ENPP6: variants seen among roughly 807,000 people sequenced by gnomAD.
ENPP6 encodes ectonucleotide pyrophosphatase/phosphodiesterase 6.
In ENPP6, 32 loss-of-function variants were observed where a neutral mutation model predicts 42.0. The observed-to-expected ratio is 0.76, with a 90% CI of 0.58 to 1.02. ENPP6 has a LOEUF of 1.02. ENPP6 is among the 50% of genes least tolerant of loss of function. ENPP6 has a pLI of 0.00. For synonymous variants in ENPP6, 213 were observed against 216.0 expected, an observed-to-expected ratio of 0.99 and a Z score of 0.12; for missense variants, 552 against 566.8, an observed-to-expected ratio of 0.97 and a Z score of 0.27.
At chr4:184,167,871 A>G (rs1452333811) in intron 1 of ENPP6, among the ~76,000 whole-genome samples, 1 of 152,178 alleles carries the variant, frequency 6.6e-6, no homozygotes, top group Non-Finnish European at 1.5e-5. Context: ...TCATTCAGTG[A>G]TTCACGTCTA....
intron 7 of ENPP6, 44 bp downstream of exon 7, chr4:184,097,201 C>T (rs989160385): frequency 6.2e-7 from 1 of 1,612,144 alleles, no homozygotes; most frequent in South Asian, 1.1e-5. Context: ...CAGACACTTC[C>T]TTGGGAATGG....
rs180909713 is a variant in ENPP6 at position 184,117,286 on chromosome 4, G to A, written c.676-251C>T. The stretch of plus-strand genomic sequence containing the variant: ...GCACTTTCAGCTTTTTAAGGTCGAC[G>A]CTCTGCATCTTCTCTGGCTCTTTCA... On this transcript the variant is annotated intron_variant, in intron 4 of 7. Transcript: ENST00000296741. Among the ~76,000 whole-genome samples, 55 of 152,324 alleles carry A rather than the reference G, an allele frequency of 3.6e-4. No homozygotes were observed. In the East Asian group the frequency reaches 5.2e-3, roughly 14 times the overall value.
intron 2 of ENPP6, among the ~76,000 whole-genome samples, chr4:184,140,600 T>C (rs1375947934): frequency 6.9e-5 from 9 of 131,348 alleles, no homozygotes; most frequent in Non-Finnish European, 9.7e-5. Flanking sequence ...TCTACAACTA[T>C]CTGATCTTTG....
At chr4:184,162,604 T>G (rs35363119) in intron 1 of ENPP6, among the ~76,000 whole-genome samples, 1 of 142,118 alleles carries the variant, frequency 7.0e-6, no homozygotes, top group African/African-American at 2.9e-5. Flanking sequence ...AGGGAGGGAA[T>G]GAATGACTGG....
intron 2 of ENPP6, among the ~76,000 whole-genome samples, chr4:184,150,748 T>A (rs1295907075): frequency 2.0e-5 from 3 of 152,252 alleles, no homozygotes; most frequent in African/African-American, 7.2e-5. Flanking sequence ...GAGACTTTAT[T>A]CTATATCTAT....
At chr4:184,186,809 G>T (rs541670311) in intron 1 of ENPP6, among the ~76,000 whole-genome samples, 1 of 152,100 alleles carries the variant, frequency 6.6e-6, no homozygotes, top group Non-Finnish European at 1.5e-5. Flanking sequence ...CTCTGCTTCC[G>T]CCCTCAGCCT....
chr4:184,129,279 AC>A (rs5864873), intron 2 of ENPP6, among the ~76,000 whole-genome samples: 2 of 149,622 alleles, frequency 1.3e-5, no homozygotes, highest in African/African-American at 2.5e-5. Flanking sequence ...GTACACAAAC[AC>A]CCCCCCAACA....
chr4:184,140,420 C>T (rs1173088667), intron 2 of ENPP6, among the ~76,000 whole-genome samples: 14 of 151,954 alleles, frequency 9.2e-5, no homozygotes, highest in Admixed American at 6.6e-5. Context: ...AAAAAAGAGC[C>T]CACATTGCCA....
At chr4:184,155,350 C>T (rs1737139933) in intron 1 of ENPP6, among the ~76,000 whole-genome samples, 1 of 152,154 alleles carries the variant, frequency 6.6e-6, no homozygotes, top group African/African-American at 2.4e-5. Context: ...CTTACTCATC[C>T]TTTCACAAGG....
chr4:184,205,355 G>A (rs1732977612), intron 1 of ENPP6, among the ~76,000 whole-genome samples: 1 of 152,234 alleles, frequency 6.6e-6, no homozygotes, highest in African/African-American at 2.4e-5. Flanking sequence ...CATCCGCCAC[G>A]GTGACCTTGT....
chr4:184,091,921 T>G (rs1466370186), intron 7 of ENPP6, among the ~76,000 whole-genome samples: 1 of 152,090 alleles, frequency 6.6e-6, no homozygotes, highest in Non-Finnish European at 1.5e-5. Flanking sequence ...GCAAACAGAC[T>G]TTCTTTGTGC....
At chr4:184,150,965 G>A (rs556776239) in intron 2 of ENPP6, among the ~76,000 whole-genome samples, 1 of 152,300 alleles carries the variant, frequency 6.6e-6, no homozygotes, top group East Asian at 1.9e-4. Context: ...TGTTTTGGAG[G>A]AGCAACAAGA....
intron 1 of ENPP6, among the ~76,000 whole-genome samples, chr4:184,153,966 C>T (rs889344503): frequency 3.3e-5 from 5 of 151,932 alleles, no homozygotes; most frequent in East Asian, 3.9e-4. Context: ...TTTAGAGTGA[C>T]GTCACCCTGT....
At chr4:184,169,854 C>T (rs922035589) in intron 1 of ENPP6, among the ~76,000 whole-genome samples, 1 of 152,214 alleles carries the variant, frequency 6.6e-6, no homozygotes, top group Non-Finnish European at 1.5e-5. Flanking sequence ...TGAAAATATT[C>T]GAATGCACAA....
rs912740222 is a variant in ENPP6 at position 184,184,903 on chromosome 4, G to A, written c.242-31170C>T. Among the ~76,000 whole-genome samples, 2 of 152,118 alleles carry A rather than the reference G, an allele frequency of 1.3e-5. No homozygotes were observed. Among genetic ancestry groups the A allele is most frequent in the African/African-American group, 4.8e-5 (2 of 41,402 alleles). ...CTGAGCCACCCAGCGTGTGGAGTGT[G>A]TGACAGCAGCCCTAGGGAGCTGACA... On this transcript the variant is annotated intron_variant, in intron 1 of 7. Coordinates refer to ENST00000296741, the MANE Select transcript of ENPP6 (RefSeq NM_153343.4). The surrounding 1 kb of genome is among the most constrained non-coding windows in gnomAD (Gnocchi z 4.7).
chr4:184,139,510 C>A, intron 2 of ENPP6, among the ~76,000 whole-genome samples: 1 of 123,400 alleles, frequency 8.1e-6, no homozygotes, highest in Non-Finnish European at 1.7e-5. Context: ...TCCCCCCTCC[C>A]CCCACCCCAC....
At chr4:184,143,748 C>T (rs911024707) in intron 2 of ENPP6, among the ~76,000 whole-genome samples, 2 of 152,216 alleles carry the variant, frequency 1.3e-5, no homozygotes, top group Non-Finnish European at 2.9e-5. Flanking sequence ...CAGAGAGAGG[C>T]TAAGGGATTT....
chr4:184,171,666 C>T (rs985762794), intron 1 of ENPP6, among the ~76,000 whole-genome samples: 5 of 152,198 alleles, frequency 3.3e-5, no homozygotes, highest in African/African-American at 1.2e-4. Context: ...AGAAACTATT[C>T]CAAGACCATG....
intron 1 of ENPP6, among the ~76,000 whole-genome samples, chr4:184,215,066 G>A (rs1043223006): frequency 1.3e-5 from 2 of 152,248 alleles, no homozygotes; most frequent in African/African-American, 2.4e-5. Flanking sequence ...CTGAAATCCC[G>A]GCCTGATGCA....
Sources: gnomAD v4.1 joint callset for allele counts (sites outside exome capture counted in the v4.1 genomes callset) on GRCh38, gnomAD v4.1.1 for gene constraint, Gnocchi (gnomAD v3.1) non-coding constraint, MANE v1.5 for transcripts, NCBI Gene and HGNC (gene_info 2026-07-23, HGNC 2026-07-21) for gene names.